The following GALNT2 variants were observed in gnomAD, a reference collection of about 807,000 sequenced individuals.
The protein encoded by GALNT2 is UDP-GalNAc:polypeptide N-acetylgalactosaminyltransferase 2.
GALNT2 carries 31 observed loss-of-function variants against 81.4 expected under a neutral mutation model. That is an observed-to-expected ratio of 0.38 (90% confidence interval 0.29 to 0.51). The LOEUF (loss-of-function observed/expected upper bound fraction) is 0.51, where lower values mean the gene tolerates loss of function less well. Among genes scored for constraint, GALNT2 ranks in the 20% least tolerant of loss-of-function variants. The pLI, the probability that GALNT2 is intolerant of heterozygous loss-of-function variation, is 0.87. For missense variants in GALNT2, 629 were observed against 765.7 expected (o/e 0.82, Z 2.11); for synonymous variants, 303 against 287.4 (o/e 1.05, Z -0.55).
At chr1:230,102,378 A>G (rs956415533) in intron 1 of GALNT2, among the ~76,000 whole-genome samples, 1 of 152,160 alleles carries the variant, frequency 6.6e-6, no homozygotes, top group Non-Finnish European at 1.5e-5. Flanking sequence ...TTGAGACAGC[A>G]ATGGCAGCAT....
At chr1:230,090,977 T>C (rs1383558539) in intron 1 of GALNT2, among the ~76,000 whole-genome samples, 1 of 152,220 alleles carries the variant, frequency 6.6e-6, no homozygotes, top group African/African-American at 2.4e-5. Flanking sequence ...CTGCTAAGAA[T>C]GACAGTTCAT....
At chr1:230,102,120 G>T (rs1231381451) in intron 1 of GALNT2, among the ~76,000 whole-genome samples, 1 of 152,176 alleles carries the variant, frequency 6.6e-6, no homozygotes, top group Non-Finnish European at 1.5e-5. Flanking sequence ...AGTTTTAAGG[G>T]CATGCAAAGC....
At chr1:230,199,358 A>G (rs1273747497) in intron 2 of GALNT2, among the ~76,000 whole-genome samples, 1 of 152,144 alleles carries the variant, frequency 6.6e-6, no homozygotes, top group African/African-American at 2.4e-5. Context: ...CTCTGGGGGT[A>G]GCTTCAAACC....
upstream of GALNT2, among the ~76,000 whole-genome samples, chr1:230,065,143 C>T (rs1486010726): frequency 1.3e-5 from 2 of 152,086 alleles, no homozygotes; most frequent in Non-Finnish European, 2.9e-5. Context: ...TTTTGGTCTT[C>T]CTTTCCTGGC....
intron 1 of GALNT2, among the ~76,000 whole-genome samples, chr1:230,096,723 T>C (rs1035876701): frequency 5.3e-5 from 8 of 152,224 alleles, no homozygotes; most frequent in Non-Finnish European, 1.0e-4. Flanking sequence ...TATGTATCTC[T>C]TCTCAAAGAT....
chr1:230,158,194 G>T (rs565504442), intron 1 of GALNT2, among the ~76,000 whole-genome samples: 1 of 152,052 alleles, frequency 6.6e-6, no homozygotes, highest in Non-Finnish European at 1.5e-5. Flanking sequence ...CGGGTAGCAG[G>T]GGGGCAGGAT....
chr1:230,154,604 T>C (rs1662191559), intron 1 of GALNT2, among the ~76,000 whole-genome samples: 1 of 152,190 alleles, frequency 6.6e-6, no homozygotes. Flanking sequence ...GCATGGGCTC[T>C]AGTATGACTG....
chr1:230,224,075 C>T (rs571268325), intron 3 of GALNT2, among the ~76,000 whole-genome samples: 1 of 152,288 alleles, frequency 6.6e-6, no homozygotes, highest in South Asian at 2.1e-4. Flanking sequence ...CTTCATGGAA[C>T]AATGGAAGTA....
chr1:230,101,692 G>A (rs545457536), intron 1 of GALNT2, among the ~76,000 whole-genome samples: 1 of 152,342 alleles, frequency 6.6e-6, no homozygotes, highest in Admixed American at 6.5e-5. Context: ...TGTATCTTAA[G>A]TGGAACTGTG....
intron 1 of GALNT2, among the ~76,000 whole-genome samples, chr1:230,146,796 G>C (rs1487308623): frequency 6.6e-6 from 1 of 152,188 alleles, no homozygotes; most frequent in East Asian, 1.9e-4. Flanking sequence ...GGGGCTGCAC[G>C]CACCTCAGAG....
At chr1:230,142,733 T>C (rs1428421217) in intron 1 of GALNT2, among the ~76,000 whole-genome samples, 2 of 152,024 alleles carry the variant, frequency 1.3e-5, no homozygotes, top group Non-Finnish European at 1.5e-5. Context: ...GTTCGCATGC[T>C]CATTTGCTGA....
upstream of GALNT2, among the ~76,000 whole-genome samples, chr1:230,065,286 C>T (rs1659144619): frequency 6.6e-6 from 1 of 152,092 alleles, no homozygotes; most frequent in Non-Finnish European, 1.5e-5. Context: ...CCCTTGGACA[C>T]CTTGTAATTA....
At chr1:230,158,799 A>T (rs953573627) in intron 1 of GALNT2, among the ~76,000 whole-genome samples, 1 of 152,094 alleles carries the variant, frequency 6.6e-6, no homozygotes, top group Admixed American at 6.5e-5. Context: ...ACAGATAAAG[A>T]TTTTGTACCA....
chr1:230,220,853 A>C (rs1664525202), intron 3 of GALNT2, among the ~76,000 whole-genome samples: 1 of 152,092 alleles, frequency 6.6e-6, no homozygotes, highest in Admixed American at 6.5e-5. Context: ...ATTAGCTAAA[A>C]TCTCTGAATT....
intron 2 of GALNT2, among the ~76,000 whole-genome samples, chr1:230,183,592 C>T (rs1663225915): frequency 6.6e-6 from 1 of 152,154 alleles, no homozygotes; most frequent in Non-Finnish European, 1.5e-5. Flanking sequence ...TCCACATAAG[C>T]ATATGTATAT....
At chr1:230,101,361 G>C (rs1660399848) in intron 1 of GALNT2, among the ~76,000 whole-genome samples, 1 of 152,192 alleles carries the variant, frequency 6.6e-6, no homozygotes, top group Non-Finnish European at 1.5e-5. Context: ...CCTTCAAGGG[G>C]ACAGGGCCTC....
At position 230,243,227 on chromosome 1, in the gene GALNT2, A is replaced by T; in HGVS notation, c.608-79A>T. On this transcript the variant is annotated intron_variant, in intron 6 of 15. Coordinates refer to ENST00000366672, the MANE Select transcript of GALNT2 (RefSeq NM_004481.5). The surrounding 1 kb of genome is among the most constrained non-coding windows in gnomAD (Gnocchi z 4.2). ...GCAGGCTGCAGAGCTGCGGGCAGGG[A>T]GGCGTCGCCGGTTGGCATGGGGTTG... is the stretch of plus-strand genomic sequence containing the variant. The T allele has an allele frequency of 1.3e-6, 2 of 1,486,486 alleles. No individual in the cohort carries two copies. The highest frequency in any genetic ancestry group is 2.8e-5 in the South Asian group (2 of 72,470). 92.1% of individuals were successfully genotyped at this position (1,486,486 alleles called of 1,614,324 possible).
chr1:230,236,536 A>G, intron 5 of GALNT2, 116 bp downstream of exon 5: 1 of 1,404,332 alleles, frequency 7.1e-7, no homozygotes, highest in Non-Finnish European at 1.0e-6. Context: ...CACAGAAAGA[A>G]GAGGTGCCTC....
At chr1:230,071,635 C>G (rs1021580573) in intron 1 of GALNT2, among the ~76,000 whole-genome samples, 4 of 152,142 alleles carry the variant, frequency 2.6e-5, no homozygotes, top group Non-Finnish European at 5.9e-5. Flanking sequence ...CTGTGAGCAT[C>G]TTGGTGGATG....
Sources: allele counts gnomAD v4.1 joint callset (sites outside exome capture counted in the v4.1 genomes callset), GRCh38; gene constraint gnomAD v4.1.1; non-coding constraint Gnocchi (gnomAD v3.1); transcripts MANE v1.5; gene names NCBI Gene and HGNC (gene_info 2026-07-23, HGNC 2026-07-21).